TBC1D14: variants seen among roughly 807,000 people sequenced by gnomAD.
TBC1D14 encodes the protein TBC1 domain family member 14.
Under a neutral mutation model 79.0 loss-of-function variants are expected in TBC1D14, and 26 were observed. The ratio of observed to expected loss-of-function variants is 0.33; its 90% CI spans 0.24 to 0.46. TBC1D14 has a LOEUF of 0.46. Among genes scored for constraint, TBC1D14 ranks in the 20% least tolerant of loss-of-function variants. The pLI, the probability that TBC1D14 is intolerant of heterozygous loss-of-function variation, is 1.00. For synonymous variants in TBC1D14, 394 were observed against 349.9 expected, an observed-to-expected ratio of 1.13 and a Z score of -1.40; for missense variants, 769 against 887.6, an observed-to-expected ratio of 0.87 and a Z score of 1.70.
At chr4:6,930,811 A>C (rs1480262707) in intron 2 of TBC1D14, among the ~76,000 whole-genome samples, 1 of 151,874 alleles carries the variant, frequency 6.6e-6, no homozygotes, top group Non-Finnish European at 1.5e-5. Flanking sequence ...AAAAAAAAAA[A>C]ACCTGTGAGG....
At chr4:6,998,201 A>G (rs560385692) in intron 5 of TBC1D14, among the ~76,000 whole-genome samples, 2 of 152,054 alleles carry the variant, frequency 1.3e-5, no homozygotes, top group Admixed American at 6.6e-5. Context: ...CTCTACTAAA[A>G]ATACAAAAAT....
At chr4:6,914,484 C>T (rs1723237226) in intron 1 of TBC1D14, among the ~76,000 whole-genome samples, 1 of 152,186 alleles carries the variant, frequency 6.6e-6, no homozygotes, top group Admixed American at 6.6e-5. Flanking sequence ...CTGTTTTAGG[C>T]TGTGTGTGTA....
chr4:6,972,603 T>C (rs1716321444), intron 3 of TBC1D14, among the ~76,000 whole-genome samples: 1 of 152,294 alleles, frequency 6.6e-6, no homozygotes, highest in African/African-American at 2.4e-5. Context: ...CCTTAGTTTT[T>C]TGTTGTTCTG....
intron 3 of TBC1D14, among the ~76,000 whole-genome samples, chr4:6,970,139 C>T: frequency 6.6e-6 from 1 of 152,184 alleles, no homozygotes; most frequent in South Asian, 2.1e-4. Flanking sequence ...CCAGTCAGGG[C>T]CGAAGCCTAG....
intron 2 of TBC1D14, among the ~76,000 whole-genome samples, chr4:6,958,462 T>C (rs1714874919): frequency 6.6e-6 from 1 of 152,172 alleles, no homozygotes; most frequent in Non-Finnish European, 1.5e-5. Context: ...GGTCTCGCTG[T>C]GTCACCCAGG....
chr4:6,980,234 C>T (rs982003662), intron 3 of TBC1D14, among the ~76,000 whole-genome samples: 23 of 152,086 alleles, frequency 1.5e-4, no homozygotes, highest in Non-Finnish European at 2.5e-4. Flanking sequence ...GACTAGAAAA[C>T]AGTGACAGAA....
chr4:6,956,569 C>A (rs1027402407), intron 2 of TBC1D14, among the ~76,000 whole-genome samples: 2 of 152,150 alleles, frequency 1.3e-5, no homozygotes, highest in African/African-American at 4.8e-5. Context: ...CTCGCCTGGC[C>A]CTAGGAGGAA....
rs73796387 is a variant in TBC1D14, at chr4:6,929,506, C to T, written c.722+5395C>T. Among the ~76,000 whole-genome samples, 202 of 152,172 alleles carry T rather than the reference C, an allele frequency of 1.3e-3. 1 individual carries two copies. Among genetic ancestry groups the T allele is most frequent in the African/African-American group, 4.2e-3 (174 of 41,504 alleles). ...CTGGCCTTCGAAAGTGCTGTCCACC[C>T]GCCTGAGGGTGGAGGTGGTGAGGGA... On this transcript the variant is annotated intron_variant, in intron 2 of 13. Coordinates refer to ENST00000409757, the MANE Select transcript of TBC1D14 (RefSeq NM_020773.3).
chr4:7,014,839 G>A (rs937760395), intron 12 of TBC1D14, among the ~76,000 whole-genome samples: 38 of 152,200 alleles, frequency 2.5e-4, no homozygotes, highest in African/African-American at 8.7e-4. Flanking sequence ...GCAGGCCCTC[G>A]CTGGGTATAG....
At chr4:7,006,229 A>G (rs1720186065) in intron 8 of TBC1D14, among the ~76,000 whole-genome samples, 1 of 152,136 alleles carries the variant, frequency 6.6e-6, no homozygotes, top group South Asian at 2.1e-4. Flanking sequence ...TAGTTTCTAC[A>G]TCTAGTGAGT....
intron 2 of TBC1D14, among the ~76,000 whole-genome samples, chr4:6,955,165 C>T (rs568411184): frequency 1.3e-5 from 2 of 152,246 alleles, no homozygotes; most frequent in African/African-American, 4.8e-5. Context: ...GAGGGCTGGC[C>T]CTTTTCCCTT....
chr4:6,917,255 T>A (rs937133457), intron 1 of TBC1D14, among the ~76,000 whole-genome samples: 2 of 152,172 alleles, frequency 1.3e-5, no homozygotes, highest in African/African-American at 4.8e-5. Flanking sequence ...GCGAGTAGAT[T>A]TTTGAAACCT....
intron 13 of TBC1D14, 122 bp from the exon 14 acceptor site, chr4:7,030,205 G>A (rs1181910754): frequency 5.9e-6 from 5 of 840,662 alleles, no homozygotes; most frequent in Non-Finnish European, 1.0e-5. Context: ...TGGAGGGTTG[G>A]AGGCAGTGGA....
chr4:6,922,062 G>GT (rs1424331774), intron 1 of TBC1D14, among the ~76,000 whole-genome samples: 1 of 151,866 alleles, frequency 6.6e-6, no homozygotes, highest in Non-Finnish European at 1.5e-5. Flanking sequence ...TTGTTTGTTT[G>GT]TTTTTTTAGA....
intron 9 of TBC1D14, among the ~76,000 whole-genome samples, chr4:7,009,570 CT>C (rs1179059497): frequency 6.6e-6 from 1 of 152,102 alleles, no homozygotes; most frequent in African/African-American, 2.4e-5. Context: ...TCCTGGTGGG[CT>C]TTGAAAGGGA....
intron 6 of TBC1D14, among the ~76,000 whole-genome samples, chr4:6,999,926 G>T (rs962399065): frequency 6.6e-6 from 1 of 151,990 alleles, no homozygotes; most frequent in Non-Finnish European, 1.5e-5. Flanking sequence ...TTTTATTCTC[G>T]TGTTCAGAAC....
intron 12 of TBC1D14, among the ~76,000 whole-genome samples, chr4:7,019,552 G>A (rs1042244614): frequency 1.6e-4 from 25 of 152,198 alleles, no homozygotes; most frequent in Admixed American, 1.3e-4. Flanking sequence ...GGACCTGCTC[G>A]AAGGGAGGGG....
At chr4:7,000,892 A>T (rs1719606308) in intron 6 of TBC1D14, among the ~76,000 whole-genome samples, 1 of 152,128 alleles carries the variant, frequency 6.6e-6, no homozygotes, top group South Asian at 2.1e-4. Flanking sequence ...TTGGCCCCAG[A>T]GCGTGCCTGG....
intron 2 of TBC1D14, chr4:6,954,120 C>T (rs778745293): frequency 1.7e-6 from 1 of 599,818 alleles, no homozygotes. Context: ...CCCTGCCGCC[C>T]CCGCCTTTCC....
Sources: allele counts gnomAD v4.1 joint callset (sites outside exome capture counted in the v4.1 genomes callset), GRCh38; gene constraint gnomAD v4.1.1; transcripts MANE v1.5; gene names NCBI Gene and HGNC (gene_info 2026-07-23, HGNC 2026-07-21).